RSU1: variants seen among roughly 807,000 people sequenced by gnomAD.
The protein encoded by RSU1 is Ras suppressor protein 1.
A neutral mutation model predicts 31.1 loss-of-function variants in RSU1; 26 were observed. The ratio of observed to expected loss-of-function variants is 0.84; its 90% CI spans 0.61 to 1.16. The LOEUF (loss-of-function observed/expected upper bound fraction) is 1.16. Ranked by LOEUF, RSU1 falls within the 50% of genes most tolerant of loss-of-function variation. The probability of loss-of-function intolerance (pLI) is 0.00; values close to 1 mark genes in which losing one functional copy is unlikely to be tolerated. For synonymous variants in RSU1, 164 were observed against 136.3 expected, an observed-to-expected ratio of 1.20 and a Z score of -1.41; for missense variants, 320 against 339.1, an observed-to-expected ratio of 0.94 and a Z score of 0.44.
chr10:16,677,251 C>T (rs984500183), intron 8 of RSU1, among the ~76,000 whole-genome samples: 1 of 152,156 alleles, frequency 6.6e-6, no homozygotes, highest in Non-Finnish European at 1.5e-5. Context: ...TTTACTTAAA[C>T]GATGACTGTC....
At chr10:16,763,946 A>C (rs562205856) in intron 4 of RSU1, among the ~76,000 whole-genome samples, 1 of 152,348 alleles carries the variant, frequency 6.6e-6, no homozygotes, top group Non-Finnish European at 1.5e-5. Flanking sequence ...AAAGAGAAGA[A>C]TTGCATAAAT....
intron 8 of RSU1, among the ~76,000 whole-genome samples, chr10:16,652,460 T>C (rs963026130): frequency 3.3e-5 from 5 of 150,400 alleles, no homozygotes; most frequent in Admixed American, 3.3e-4. Flanking sequence ...AAAAAACATT[T>C]CCCAAACTTT....
At chr10:16,809,879 T>A (rs150133382) in intron 2 of RSU1, among the ~76,000 whole-genome samples, 1 of 151,958 alleles carries the variant, frequency 6.6e-6, no homozygotes, top group Admixed American at 6.6e-5. Context: ...AGACACCTTA[T>A]AGTCATCTTA....
intron 8 of RSU1, among the ~76,000 whole-genome samples, chr10:16,610,387 T>C (rs1348554545): frequency 6.6e-6 from 1 of 152,228 alleles, no homozygotes; most frequent in Non-Finnish European, 1.5e-5. Context: ...ACTTGGTTAC[T>C]TTTAATACTT....
chr10:16,597,236 G>T (rs547978735), intron 8 of RSU1, among the ~76,000 whole-genome samples: 55 of 152,316 alleles, frequency 3.6e-4, no homozygotes, highest in African/African-American at 1.3e-3. Context: ...TGGCCCTGAC[G>T]ATGGGGATCC....
chr10:16,738,549 T>C (rs1421218509), intron 7 of RSU1, among the ~76,000 whole-genome samples: 3 of 151,722 alleles, frequency 2.0e-5, no homozygotes, highest in African/African-American at 2.4e-5. Context: ...GAAAAGCAAA[T>C]CATTGAAATA....
At chr10:16,644,365 C>G (rs948256125) in intron 8 of RSU1, among the ~76,000 whole-genome samples, 8 of 152,218 alleles carry the variant, frequency 5.3e-5, no homozygotes, top group African/African-American at 1.9e-4. Flanking sequence ...CTTTCCTACC[C>G]TAAGGAGACA....
intron 7 of RSU1, among the ~76,000 whole-genome samples, chr10:16,727,876 C>T (rs1006847231): frequency 6.6e-6 from 1 of 152,078 alleles, no homozygotes; most frequent in Admixed American, 6.6e-5. Context: ...TGTGGGTAGC[C>T]GTGGGGGGCT....
Position 16,817,092 on chromosome 10 carries a change from G to A in RSU1, c.-3-8C>T, listed in dbSNP as rs2131285284. On this transcript the variant is annotated splice_polypyrimidine_tract_variant and splice_region_variant and intron_variant, in intron 1 of 8. Coordinates refer to ENST00000345264, the MANE Select transcript of RSU1 (RefSeq NM_012425.4). ...CAGAGACTTGGACATGGTCTGCACC[G>A]AACAACAACAAAGCACGTGGGCGAT... 1.3e-6 allele frequency: 2 copies of A among 1,592,304 alleles called. No individual in the cohort carries two copies. Among genetic ancestry groups the A allele is most frequent in the Non-Finnish European group, 1.7e-6 (2 of 1,160,090 alleles).
intron 6 of RSU1, 98 bp from the exon 7 acceptor site, chr10:16,752,751 T>C: frequency 9.3e-7 from 1 of 1,073,940 alleles, no homozygotes; most frequent in Admixed American, 1.9e-5. Flanking sequence ...TAAAGCTCAA[T>C]CCTTTCCATG....
intron 2 of RSU1, among the ~76,000 whole-genome samples, chr10:16,803,854 A>T (rs7894047): frequency 0.052 from 7,905 of 152,286 alleles, 256 homozygotes; most frequent in African/African-American, 0.095. Flanking sequence ...AGACCTAATG[A>T]AAAACACAAA....
At chr10:16,596,879 T>A (rs1833623063) in intron 8 of RSU1, among the ~76,000 whole-genome samples, 1 of 152,142 alleles carries the variant, frequency 6.6e-6, no homozygotes, top group South Asian at 2.1e-4. Context: ...TGTACCACCA[T>A]GCCTGCCTAA....
chr10:16,707,548 G>C (rs1460769883), intron 7 of RSU1, among the ~76,000 whole-genome samples: 1 of 144,316 alleles, frequency 6.9e-6, no homozygotes, highest in Non-Finnish European at 1.5e-5. Context: ...TATTAAGGTA[G>C]TTTGCCCATT....
chr10:16,714,575 G>A (rs1398640751), intron 7 of RSU1, among the ~76,000 whole-genome samples: 1 of 152,080 alleles, frequency 6.6e-6, no homozygotes, highest in Non-Finnish European at 1.5e-5. Flanking sequence ...AGTGACTTCA[G>A]CACCGTACAG....
At chr10:16,672,792 A>G (rs974451086) in intron 8 of RSU1, among the ~76,000 whole-genome samples, 3 of 152,170 alleles carry the variant, frequency 2.0e-5, no homozygotes, top group African/African-American at 7.2e-5. Context: ...GGGATGAGGA[A>G]TTTGTTCACT....
intron 8 of RSU1, among the ~76,000 whole-genome samples, chr10:16,677,707 C>G (rs1307302421): frequency 6.6e-6 from 1 of 152,132 alleles, no homozygotes; most frequent in Non-Finnish European, 1.5e-5. Flanking sequence ...AAAAATGAAG[C>G]AGAGACTGTC....
intron 8 of RSU1, among the ~76,000 whole-genome samples, chr10:16,625,762 C>A (rs1834147203): frequency 6.6e-6 from 1 of 152,130 alleles, no homozygotes; most frequent in Non-Finnish European, 1.5e-5. Context: ...TTATACACAC[C>A]CATCCTCTTG....
chr10:16,751,422 G>A (rs545428365), intron 7 of RSU1, among the ~76,000 whole-genome samples: 2 of 152,298 alleles, frequency 1.3e-5, no homozygotes, highest in Middle Eastern at 6.8e-3. Context: ...TCACGTGACT[G>A]CCTTCCCTTT....
intron 7 of RSU1, among the ~76,000 whole-genome samples, chr10:16,703,154 G>C (rs1038873080): frequency 9.9e-5 from 15 of 152,158 alleles, no homozygotes; most frequent in African/African-American, 3.6e-4. Flanking sequence ...GGCCTCCCCA[G>C]AAGCCGAGCA....
Sources: gnomAD v4.1 joint callset for allele counts (sites outside exome capture counted in the v4.1 genomes callset) on GRCh38, gnomAD v4.1.1 for gene constraint, MANE v1.5 for transcripts, NCBI Gene and HGNC (gene_info 2026-07-23, HGNC 2026-07-21) for gene names.